DGKG: variants seen among roughly 807,000 people sequenced by gnomAD.
DGKG encodes DAG kinase gamma.
Under a neutral mutation model 105.3 loss-of-function variants are expected in DGKG, and 78 were observed. That is an observed-to-expected ratio of 0.74 (90% CI 0.62 to 0.89). The LOEUF is 0.89. Ranked by LOEUF, DGKG falls within the 40% of genes least tolerant of loss-of-function variation. The pLI is 0.00. For missense variants in DGKG, 958 were observed against 1,020.1 expected (o/e 0.94, Z 0.83); for synonymous variants, 346 against 367.1 (o/e 0.94, Z 0.66).
intron 20 of DGKG, among the ~76,000 whole-genome samples, chr3:186,234,358 C>T (rs550990835): frequency 1.3e-5 from 2 of 152,332 alleles, no homozygotes; most frequent in East Asian, 3.9e-4. Context: ...TAGGATCCAG[C>T]CAGTTCCTAC....
intron 7 of DGKG, among the ~76,000 whole-genome samples, chr3:186,282,564 GT>G (rs1722875874): frequency 6.6e-6 from 1 of 152,186 alleles, no homozygotes; most frequent in Non-Finnish European, 1.5e-5. Flanking sequence ...CCAGGCTGGA[GT>G]GCAGTGGCGC....
chr3:186,238,653 A>C (rs1308364065), intron 20 of DGKG, among the ~76,000 whole-genome samples: 3 of 152,220 alleles, frequency 2.0e-5, no homozygotes, highest in Non-Finnish European at 4.4e-5. Flanking sequence ...TTCCTCAATT[A>C]GCAATTAATG....
chr3:186,154,099 C>CAACAACAA (rs1306008164), intron 24 of DGKG, among the ~76,000 whole-genome samples: 4 of 151,984 alleles, frequency 2.6e-5, no homozygotes, highest in Non-Finnish European at 5.9e-5. Flanking sequence ...CTTGTCTCAA[C>CAACAACAA]AACAACAAAA....
intron 7 of DGKG, among the ~76,000 whole-genome samples, chr3:186,283,322 T>G (rs181892965): frequency 6.6e-6 from 1 of 152,328 alleles, no homozygotes; most frequent in Admixed American, 6.5e-5. Context: ...TGATCTCATC[T>G]GTTTACTCAT....
At chr3:186,342,554 T>A (rs1429101123) in intron 1 of DGKG, among the ~76,000 whole-genome samples, 1 of 152,208 alleles carries the variant, frequency 6.6e-6, no homozygotes, top group East Asian at 1.9e-4. Context: ...TTCTTTATTT[T>A]TTTATTTGAT....
Position 186,149,008 on chromosome 3 carries a change from GCACACA to G in DGKG, c.*1076_*1081del. ...ATAGGCTAAATATATATATATACAC[GCACACA>G]CACACACACACGCGCGCACACACGT... is the stretch of plus-strand genomic sequence containing the variant. On this transcript the variant is annotated 3_prime_UTR_variant, in exon 25 of 25. Transcript: ENST00000265022. 3.7e-6 allele frequency: 3 copies of G among 802,882 alleles called. No homozygotes were observed. Among genetic ancestry groups the G allele is most frequent in the Non-Finnish European group, 4.5e-6 (3 of 673,598 alleles). 49.7% of individuals were successfully genotyped at this position (802,882 alleles called of 1,614,324 possible). A position where few individuals can be genotyped will look rare whatever the true frequency, so the allele number is the denominator to read the frequency against.
At chr3:186,261,890 G>GCAGT in intron 14 of DGKG, 112 bp from the exon 15 acceptor site, 12 of 664,346 alleles carry the variant, frequency 1.8e-5, no homozygotes, top group Non-Finnish European at 3.1e-5. Context: ...AGGAGGGCAG[G>GCAGT]CAGTCAGGTG....
At chr3:186,285,879 A>G (rs1723044448) in intron 6 of DGKG, among the ~76,000 whole-genome samples, 1 of 151,936 alleles carries the variant, frequency 6.6e-6, no homozygotes, top group Admixed American at 6.5e-5. Context: ...GGGTTTCTCC[A>G]TCTTGGTCAG....
chr3:186,271,159 C>T (rs761616799), intron 11 of DGKG, among the ~76,000 whole-genome samples: 7 of 152,198 alleles, frequency 4.6e-5, no homozygotes, highest in Non-Finnish European at 1.0e-4. Context: ...ATGTAATCTT[C>T]CCTTTTCAGG....
chr3:186,208,441 A>G (rs111226824), intron 21 of DGKG, among the ~76,000 whole-genome samples: 3 of 1,320 alleles, frequency 2.3e-3, no homozygotes, highest in Non-Finnish European at 0.011. Context: ...AAAAAAAAGA[A>G]GAAAAAAAAA....
intron 8 of DGKG, 77 bp from the exon 9 acceptor site, chr3:186,280,050 T>C (rs1486694382): frequency 1.3e-5 from 20 of 1,568,986 alleles, no homozygotes; most frequent in Non-Finnish European, 1.6e-5. Flanking sequence ...TGCTGTCTTG[T>C]TCATCTTGCA....
intron 12 of DGKG, among the ~76,000 whole-genome samples, chr3:186,268,244 G>A (rs1722149500): frequency 6.6e-6 from 1 of 152,206 alleles, no homozygotes; most frequent in African/African-American, 2.4e-5. Flanking sequence ...CTGGGGAGAA[G>A]GACAAGAGCT....
rs182276213 is a variant in DGKG at position 186,310,039 on chromosome 3, C to T, written c.68-3062G>A. ...ATCCCAGCACTTTGGGAGGCTGAGG[C>T]GGGCGGATCACGAGGTCAGGAGTTC... On this transcript the variant is annotated intron_variant, in intron 2 of 24. Coordinates refer to ENST00000265022, the MANE Select transcript of DGKG (RefSeq NM_001346.3). Among the ~76,000 whole-genome samples the T allele has an allele frequency of 4.8e-3, 729 of 151,166 alleles. 5 individuals are homozygous for T. Among genetic ancestry groups the T allele is most frequent in the Middle Eastern group, 0.014 (4 of 292 alleles).
chr3:186,228,121 C>T (rs1217755885), intron 20 of DGKG, among the ~76,000 whole-genome samples: 4 of 152,220 alleles, frequency 2.6e-5, no homozygotes, highest in East Asian at 1.9e-4. Flanking sequence ...GAATGACATG[C>T]GGATTCTTTT....
chr3:186,347,915 C>G (rs1211893064), intron 1 of DGKG, among the ~76,000 whole-genome samples: 1 of 152,088 alleles, frequency 6.6e-6, no homozygotes, highest in Non-Finnish European at 1.5e-5. Flanking sequence ...CTATAATGTT[C>G]CAAATCTTCC....
intron 1 of DGKG, among the ~76,000 whole-genome samples, chr3:186,344,098 A>G (rs1726215386): frequency 6.6e-6 from 1 of 152,230 alleles, no homozygotes; most frequent in Non-Finnish European, 1.5e-5. Context: ...GATGCTAGTA[A>G]GGTTGTGGAG....
chr3:186,159,575 C>T (rs1415338803), intron 24 of DGKG: 5 of 152,150 alleles, frequency 3.3e-5, no homozygotes, highest in African/African-American at 1.2e-4. Flanking sequence ...CACTGGTTTC[C>T]ATTTTTACCA....
intron 20 of DGKG, among the ~76,000 whole-genome samples, chr3:186,227,247 T>G (rs1719900835): frequency 6.6e-6 from 1 of 152,240 alleles, no homozygotes; most frequent in South Asian, 2.1e-4. Context: ...TACAAATCCC[T>G]GTAGTAATCA....
At chr3:186,225,041 CCT>C (rs1022023538) in intron 20 of DGKG, among the ~76,000 whole-genome samples, 3 of 151,560 alleles carry the variant, frequency 2.0e-5, no homozygotes, top group African/African-American at 7.3e-5. Flanking sequence ...TCTTTGTCCC[CCT>C]GAGTCCCTTT....
Sources: gnomAD v4.1 joint callset for allele counts (sites outside exome capture counted in the v4.1 genomes callset) on GRCh38, gnomAD v4.1.1 for gene constraint, MANE v1.5 for transcripts, NCBI Gene and HGNC (gene_info 2026-07-23, HGNC 2026-07-21) for gene names.